HS3ST5: variants seen among roughly 807,000 people sequenced by gnomAD.
The protein encoded by HS3ST5 is heparan sulfate-glucosamine 3-sulfotransferase 5, also known as heparan sulfate glucosamine 3-O-sulfotransferase 5.
HS3ST5 carries 10 observed loss-of-function variants against 25.4 expected under a neutral mutation model. The observed-to-expected ratio is 0.39, with a 90% CI of 0.24 to 0.67. The LOEUF (loss-of-function observed/expected upper bound fraction) is 0.67, where lower values mean the gene tolerates loss of function less well. Ranked by LOEUF, HS3ST5 falls within the 30% of genes least tolerant of loss-of-function variation. The pLI is 0.44. For synonymous variants in HS3ST5, 170 were observed against 162.4 expected, an observed-to-expected ratio of 1.05 and a Z score of -0.36; for missense variants, 324 against 420.7, an observed-to-expected ratio of 0.77 and a Z score of 2.01.
Position 114,188,223 on chromosome 6 carries a change from C to T in HS3ST5, c.-144-19761G>A, listed in dbSNP as rs146905525. Among the ~76,000 whole-genome samples the T allele has an allele frequency of 2.2e-4, 33 of 152,236 alleles. No homozygotes were observed. The East Asian group carries it at 6.2e-3, about 29-fold the overall frequency. ...AGATGGGGTAAGTCGACACTTATCC[C>T]ATAAGGTACCAGGATGTCACTCTCT... On this transcript the variant is annotated intron_variant, in intron 2 of 4. Transcript: ENST00000312719.
At chr6:114,209,849 AG>A (rs1781437955) in intron 2 of HS3ST5, among the ~76,000 whole-genome samples, 1 of 152,236 alleles carries the variant, frequency 6.6e-6, no homozygotes, top group Non-Finnish European at 1.5e-5. Context: ...GTTGCTGCAC[AG>A]TAGCATAAAC....
chr6:114,169,734 A>G (rs1480711997), intron 2 of HS3ST5, among the ~76,000 whole-genome samples: 2 of 152,208 alleles, frequency 1.3e-5, no homozygotes, highest in African/African-American at 4.8e-5. Flanking sequence ...ATAATTATAA[A>G]TAATTAAAAT....
At chr6:114,083,057 A>C (rs946244831) in intron 3 of HS3ST5, among the ~76,000 whole-genome samples, 2 of 152,228 alleles carry the variant, frequency 1.3e-5, no homozygotes, top group African/African-American at 4.8e-5. Context: ...TTTTACATTC[A>C]AGTGCTATTT....
chr6:114,172,833 T>C (rs1300018796), intron 2 of HS3ST5, among the ~76,000 whole-genome samples: 2 of 152,230 alleles, frequency 1.3e-5, no homozygotes, highest in Non-Finnish European at 2.9e-5. Context: ...ATCATACTAT[T>C]AGAAGTGCTA....
At chr6:114,187,999 T>C (rs547532970) in intron 2 of HS3ST5, among the ~76,000 whole-genome samples, 1 of 152,352 alleles carries the variant, frequency 6.6e-6, no homozygotes, top group African/African-American at 2.4e-5. Flanking sequence ...GACATACTGC[T>C]ATTACACATT....
At chr6:114,213,251 C>T (rs1044005789) in intron 2 of HS3ST5, among the ~76,000 whole-genome samples, 35 of 150,626 alleles carry the variant, frequency 2.3e-4, no homozygotes, top group Admixed American at 5.3e-4. Flanking sequence ...CTTCTCCTCT[C>T]CTCTCCTTTC....
chr6:114,306,256 T>TATATACAC (rs756494412), intron 1 of HS3ST5, among the ~76,000 whole-genome samples: 4,253 of 115,176 alleles, frequency 0.037, 220 homozygotes, highest in African/African-American at 0.11. Flanking sequence ...TATATATATA[T>TATATACAC]ACACACACAC....
chr6:114,323,306 G>A (rs1351614999), intron 1 of HS3ST5, among the ~76,000 whole-genome samples: 1 of 152,136 alleles, frequency 6.6e-6, no homozygotes, highest in Non-Finnish European at 1.5e-5. Context: ...CATATTTAAT[G>A]ATATGTAAAA....
chr6:114,114,037 C>CT (rs759146871), intron 3 of HS3ST5, among the ~76,000 whole-genome samples: 15 of 152,016 alleles, frequency 9.9e-5, no homozygotes, highest in Non-Finnish European at 1.8e-4. Flanking sequence ...ACTGAGAGTG[C>CT]TTATATTTTA....
chr6:114,135,511 G>A (rs1286487591), intron 3 of HS3ST5, among the ~76,000 whole-genome samples: 2 of 152,128 alleles, frequency 1.3e-5, no homozygotes, highest in East Asian at 3.9e-4. Context: ...ACCGGAGCTG[G>A]AACAGACAGG....
chr6:114,282,166 C>G (rs771448749), intron 1 of HS3ST5, among the ~76,000 whole-genome samples: 1 of 151,934 alleles, frequency 6.6e-6, no homozygotes, highest in Non-Finnish European at 1.5e-5. Flanking sequence ...AGAGACTAAG[C>G]GAAGAAACAT....
At position 114,055,736 on chromosome 6, in the gene HS3ST5, G is replaced by T. The variant is rs892332416; in HGVS notation, c.*1521C>A. 3 of 152,142 alleles carry T rather than the reference G, an allele frequency of 2.0e-5. No individual in the cohort carries two copies. Among genetic ancestry groups the T allele is most frequent in the East Asian group, 3.8e-4 (2 of 5,196 alleles). The allele number at this position is 152,142 out of a possible 1,614,324, so 9.4% of individuals were successfully genotyped here. Reference sequence around the variant, plus strand: ...TCTGATTTCCCTAGGCACTCTCACTGTGATGTTGAACAAAACTCTCTCAAA... The same window carrying T: ...TCTGATTTCCCTAGGCACTCTCACTTTGATGTTGAACAAAACTCTCTCAAA... On this transcript the variant is annotated 3_prime_UTR_variant, in exon 5 of 5. Transcript: ENST00000312719.
At chr6:114,076,406 G>A (rs1774137287) in intron 3 of HS3ST5, among the ~76,000 whole-genome samples, 1 of 152,168 alleles carries the variant, frequency 6.6e-6, no homozygotes, top group Non-Finnish European at 1.5e-5. Context: ...ATTGTGGTGG[G>A]AAATTTATGC....
intron 1 of HS3ST5, among the ~76,000 whole-genome samples, chr6:114,240,850 C>G (rs1461738819): frequency 6.6e-6 from 1 of 152,066 alleles, no homozygotes; most frequent in African/African-American, 2.4e-5. Context: ...ACTGATCACA[C>G]CAGAAATAAA....
intron 1 of HS3ST5, among the ~76,000 whole-genome samples, chr6:114,291,146 G>A (rs1774558818): frequency 6.6e-6 from 1 of 152,018 alleles, no homozygotes; most frequent in African/African-American, 2.4e-5. Context: ...CATCACAGTT[G>A]GGTTCAGTCC....
At chr6:114,188,149 C>T (rs1197604958) in intron 2 of HS3ST5, among the ~76,000 whole-genome samples, 1 of 152,048 alleles carries the variant, frequency 6.6e-6, no homozygotes, top group Non-Finnish European at 1.5e-5. Flanking sequence ...GTTATGGCAG[C>T]CCGAGCTAAC....
At chr6:114,280,759 T>C (rs1462433746) in intron 1 of HS3ST5, among the ~76,000 whole-genome samples, 2 of 152,026 alleles carry the variant, frequency 1.3e-5, no homozygotes, top group African/African-American at 2.4e-5. Flanking sequence ...CCTTTGAAGG[T>C]AATCTGACCT....
intron 1 of HS3ST5, among the ~76,000 whole-genome samples, chr6:114,292,331 G>A (rs1273794252): frequency 1.3e-5 from 2 of 152,158 alleles, no homozygotes. Context: ...TCACGTGGCA[G>A]AAGGTGGAAG....
chr6:114,192,521 T>G (rs996781446), intron 2 of HS3ST5, among the ~76,000 whole-genome samples: 1 of 152,328 alleles, frequency 6.6e-6, no homozygotes. Flanking sequence ...CCACCCAGGT[T>G]TTTTTGAAGG....
Sources: gnomAD v4.1 joint callset for allele counts (sites outside exome capture counted in the v4.1 genomes callset) on GRCh38, gnomAD v4.1.1 for gene constraint, MANE v1.5 for transcripts, NCBI Gene and HGNC (gene_info 2026-07-23, HGNC 2026-07-21) for gene names.